The following CTU2 variants were observed in gnomAD, a reference collection of about 807,000 sequenced individuals.
The protein encoded by CTU2 is cytoplasmic tRNA 2-thiolation protein 2.
A neutral mutation model predicts 64.1 loss-of-function variants in CTU2; 80 were observed. The ratio of observed to expected loss-of-function variants is 1.25; its 90% CI spans 1.04 to 1.50. The LOEUF is 1.50. Among genes scored for constraint, CTU2 ranks in the 40% most tolerant of loss-of-function variants. CTU2 has a pLI of 0.00. For missense variants in CTU2, 1,110 were observed against 690.2 expected, an observed-to-expected ratio of 1.61 and a Z score of -6.81; for synonymous variants, 482 against 285.3, an observed-to-expected ratio of 1.69 and a Z score of -6.95.
intron 10 of CTU2, 43 bp from the exon 11 acceptor site, chr16:88,714,340 C>A (rs760864835): frequency 6.2e-7 from 1 of 1,605,818 alleles, no homozygotes; most frequent in Middle Eastern, 1.7e-4. Flanking sequence ...GGTGGAGCCC[C>A]AGCCCGTGTG....
chr16:88,710,085 C>T (rs1911193936), intron 3 of CTU2, 69 bp downstream of exon 3: 2 of 1,586,694 alleles, frequency 1.3e-6, no homozygotes, highest in Non-Finnish European at 1.7e-6. Flanking sequence ...GTCCCTCCCA[C>T]AGGCAGCCTG....
At chr16:88,706,812 G>A in intron 1 of CTU2, 1 of 527,302 alleles carries the variant, frequency 1.9e-6, no homozygotes, top group Non-Finnish European at 3.4e-6. Flanking sequence ...AGCCACTGGG[G>A]ACGGCTCTGC....
chr16:88,710,281 A>T lies in CTU2; in HGVS notation c.281A>T (p.Glu94Val). ...AGCTCCATGGTCTGGCAGGTTCTTG[A>T]GGTGCGTGTTCACCACCCCGTGGGC... ...SSSSMVWQVL[E>V]GLSQDSAKRL... Residue 94 changes from glutamate (E) to valine (V), a missense_variant and splice_region_variant, in exon 4 of 15, where the codon GAG (glutamate) becomes GTG (valine). Coordinates refer to ENST00000453996, the MANE Select transcript of CTU2 (RefSeq NM_001012759.3). 1.9e-6 allele frequency: 3 copies of T among 1,613,810 alleles called. No homozygotes were observed. The highest frequency in any genetic ancestry group is 2.5e-6 in the Non-Finnish European group (3 of 1,179,970).
At position 88,715,362 on chromosome 16, in the gene CTU2, A is replaced by AAAC. The variant is rs925564859; in HGVS notation, c.*113_*115dup. On this transcript the variant is annotated 3_prime_UTR_variant, in exon 15 of 15. Coordinates refer to ENST00000453996, the MANE Select transcript of CTU2 (RefSeq NM_001012759.3). ...CTCTGATTGTCCATTTGTATAAATA[A>AAAC]AACATTTTTTAATTAAAAAAAAAAC... 53 of 1,237,838 alleles carry AAAC rather than the reference A, an allele frequency of 4.3e-5. No individual in the cohort carries two copies. The South Asian group carries it at 6.7e-4, about 16-fold the overall frequency. The allele number at this position is 1,237,838 out of a possible 1,614,324, so 76.7% of individuals were successfully genotyped here. A position where few individuals can be genotyped will look rare whatever the true frequency, so the allele number is the denominator to read the frequency against.
chr16:88,714,421 C>G lies in CTU2; in HGVS notation c.1136C>G (p.Pro379Arg), dbSNP rs771297629. Residue 379 changes from proline to arginine, a missense_variant, in exon 11 of 15, where the codon CCT becomes CGT. By Grantham distance (103) the Pro-to-Arg change is moderately radical (BLOSUM62 -2). Coordinates refer to ENST00000453996, the MANE Select transcript of CTU2 (RefSeq NM_001012759.3). ...CTGGTGAAGGGCCCCCGGGATGGCC[C>G]TGCTGCTGGCGACTCCGGCCCCCGC... ...EKLVKGPRDG[P>R]AAGDSGPRCL... The G allele has an allele frequency of 1.2e-6, 2 of 1,612,572 alleles. No homozygotes were observed. Among genetic ancestry groups the G allele is most frequent in the South Asian group, 2.2e-5 (2 of 91,084 alleles).
chr16:88,708,159 A>C (rs905557623), intron 2 of CTU2, among the ~76,000 whole-genome samples: 2 of 152,182 alleles, frequency 1.3e-5, no homozygotes, highest in Non-Finnish European at 2.9e-5. Flanking sequence ...GAAATTGCCA[A>C]GAACACCAGG....
At chr16:88,706,993 C>T (rs1173782162) in intron 1 of CTU2, 143 bp from the exon 2 acceptor site, 2 of 760,200 alleles carry the variant, frequency 2.6e-6, no homozygotes, top group African/African-American at 1.7e-5. Context: ...GGACAGAACA[C>T]AAGCCTGGGT....
At chr16:88,707,032 G>A (rs1910912692) in intron 1 of CTU2, 104 bp from the exon 2 acceptor site, 3 of 1,174,292 alleles carry the variant, frequency 2.6e-6, no homozygotes, top group South Asian at 2.5e-5. Context: ...GCCTTTCTCT[G>A]ACCCAACTCA....
Position 88,707,083 on chromosome 16 carries a change from G to C in CTU2, c.69-53G>C, listed in dbSNP as rs1012676691. The C allele has an allele frequency of 3.2e-6, 5 of 1,575,044 alleles. No individual in the cohort carries two copies. In the Admixed American group the frequency reaches 8.4e-5, roughly 26 times the overall value. ...GCTGTCTCCCCAAAGCCCACTAGGC[G>C]TGGGGAAGATGTGATCTGTGTTTCT... On this transcript the variant is annotated intron_variant, in intron 1 of 14. Coordinates refer to ENST00000453996, the MANE Select transcript of CTU2 (RefSeq NM_001012759.3).
chr16:88,712,442 G>C, intron 6 of CTU2, 59 bp downstream of exon 6: 3 of 1,484,094 alleles, frequency 2.0e-6, no homozygotes, highest in South Asian at 1.3e-5. Context: ...GCACCTGCCC[G>C]TGTCCCAGCC....
At position 88,706,613 on chromosome 16, in the gene CTU2, C is replaced by T; in HGVS notation, c.68+15C>T. ...CCGCGGCCCAGGTAAGAGCTGGCGGCCGGACCCGCCAGGCCGCCCCTCGCC... is the reference window on the plus strand; with the variant it reads ...CCGCGGCCCAGGTAAGAGCTGGCGGTCGGACCCGCCAGGCCGCCCCTCGCC... On this transcript the variant is annotated intron_variant, in intron 1 of 14. Coordinates refer to ENST00000453996, the MANE Select transcript of CTU2 (RefSeq NM_001012759.3). The T allele has an allele frequency of 1.4e-6, 2 of 1,397,706 alleles. No individual in the cohort carries two copies. The highest frequency in any genetic ancestry group is 1.8e-6 in the Non-Finnish European group (2 of 1,083,230). 86.6% of individuals were successfully genotyped at this position (1,397,706 alleles called of 1,614,324 possible).
chr16:88,713,286 G>T (rs755487475), intron 7 of CTU2, 26 bp from the exon 8 acceptor site: 1 of 1,316,548 alleles, frequency 7.6e-7, no homozygotes, highest in Non-Finnish European at 9.9e-7. Flanking sequence ...GCACCCCCCA[G>T]GCCCCTGAGA....
Position 88,712,321 on chromosome 16 carries a change from G to A in CTU2, c.391G>A (p.Ala131Thr). The A allele has an allele frequency of 1.9e-6, 3 of 1,610,392 alleles. No individual in the cohort carries two copies. Among genetic ancestry groups the A allele is most frequent in the Non-Finnish European group, 1.7e-6 (2 of 1,178,396 alleles). Residue 131 changes from alanine to threonine, a missense_variant, in exon 6 of 15, where the codon GCC becomes ACC. Coordinates refer to ENST00000453996, the MANE Select transcript of CTU2 (RefSeq NM_001012759.3). ...CCTAGAGGAGAGATCAAAGACCCTG[G>A]CCGAAGTGAAGCCCATTCTGCAAGC... ...QSLEERSKTL[A>T]EVKPILQATG...
At chr16:88,707,241 A>G (rs1910942130) in intron 2 of CTU2, 31 bp downstream of exon 2, 1 of 1,601,916 alleles carries the variant, frequency 6.2e-7, no homozygotes, top group African/African-American at 1.3e-5. Flanking sequence ...AGACCCTGGC[A>G]AACATGGCCT....
chr16:88,706,849 G>A (rs1165200230), intron 1 of CTU2: 7 of 554,946 alleles, frequency 1.3e-5, no homozygotes, highest in East Asian at 5.6e-5. Flanking sequence ...CTTATTCGGA[G>A]AGAACTGGTG....
chr16:88,714,622 C>T lies in CTU2; in HGVS notation c.1237C>T (p.Arg413Cys), dbSNP rs761261856. The change falls in exon 12 of 15, where the codon CGT becomes TGT. Residue 413 changes from arginine (R) to cysteine (C), a missense_variant. Physicochemically the swap from Arg to Cys is radical, Grantham distance 180. Coordinates refer to ENST00000453996, the MANE Select transcript of CTU2 (RefSeq NM_001012759.3). ...GGCTTTTGGGGCTCAGACCTCCTCG[C>T]GTCTCTCCCAGATGCAGTCACCCAT... Reference protein sequence around the residue: ...ATAFGAQTSSRLSQMQSPIPL... With the variant: ...ATAFGAQTSSCLSQMQSPIPL... The T allele has an allele frequency of 1.6e-5, 26 of 1,612,664 alleles. No homozygotes were observed. Among genetic ancestry groups the T allele is most frequent in the Middle Eastern group, 1.7e-4 (1 of 6,060 alleles).
intron 12 of CTU2, 37 bp downstream of exon 12, chr16:88,714,774 T>C (rs973565561): frequency 1.2e-6 from 2 of 1,606,070 alleles, no homozygotes; most frequent in Non-Finnish European, 1.7e-6. Flanking sequence ...GCCAGCTGCA[T>C]GGGGCGGGAG....
Position 88,707,339 on chromosome 16 carries a change from G to A in CTU2, c.143+129G>A. On this transcript the variant is annotated intron_variant, in intron 2 of 14. Coordinates refer to ENST00000453996, the MANE Select transcript of CTU2 (RefSeq NM_001012759.3). ...TTACTTTATTCCTGCTCCTGATGGG[G>A]TCCCTCGTGCCCCTGGTGTTGAAGT... 3.4e-6 allele frequency: 3 copies of A among 876,042 alleles called. No homozygotes were observed. The South Asian group carries it at 4.5e-5, about 13-fold the overall frequency. The allele number at this position is 876,042 out of a possible 1,614,324, so 54.3% of individuals were successfully genotyped here. A position where few individuals can be genotyped will look rare whatever the true frequency, so the allele number is the denominator to read the frequency against.
chr16:88,713,907 G>A, intron 9 of CTU2, 129 bp downstream of exon 9: 2 of 1,326,458 alleles, frequency 1.5e-6, no homozygotes, highest in Non-Finnish European at 2.1e-6. Flanking sequence ...CCCCAGCAGT[G>A]CTGCATCCTC....
Sources: gnomAD v4.1 joint callset for allele counts (sites outside exome capture counted in the v4.1 genomes callset) on GRCh38, gnomAD v4.1.1 for gene constraint, MANE v1.5 for transcripts, NCBI Gene and HGNC (gene_info 2026-07-23, HGNC 2026-07-21) for gene names.